The following PDE4D variants were observed in gnomAD, a reference collection of about 807,000 sequenced individuals.
PDE4D encodes 3',5'-cyclic-AMP phosphodiesterase 4D.
PDE4D carries 24 observed loss-of-function variants against 87.4 expected under a neutral mutation model. The observed-to-expected ratio is 0.27, with a 90% CI of 0.20 to 0.39. The LOEUF is 0.39. PDE4D is among the 10% of genes least tolerant of loss of function. PDE4D has a pLI of 1.00. For synonymous variants in PDE4D, 384 were observed against 383.2 expected, an observed-to-expected ratio of 1.00 and a Z score of -0.02; for missense variants, 714 against 1,041.0, an observed-to-expected ratio of 0.69 and a Z score of 4.32.
chr5:60,352,107 T>C (rs1346246460), intron 1 of PDE4D, among the ~76,000 whole-genome samples: 1 of 152,022 alleles, frequency 6.6e-6, no homozygotes, highest in African/African-American at 2.4e-5. Flanking sequence ...ACTTGGCCTT[T>C]TTTATCTTTT....
intron 1 of PDE4D, among the ~76,000 whole-genome samples, chr5:60,324,394 A>T (rs1292343590): frequency 6.6e-6 from 1 of 152,230 alleles, no homozygotes; most frequent in Non-Finnish European, 1.5e-5. Context: ...GACCCAGCAC[A>T]GTGCCTAAAA....
chr5:60,092,074 A>G (rs1444369546), intron 2 of PDE4D, among the ~76,000 whole-genome samples: 1 of 150,440 alleles, frequency 6.6e-6, no homozygotes, highest in South Asian at 2.1e-4. Flanking sequence ...AAAAAAAAAA[A>G]AAAAGAAAAT....
At chr5:60,431,219 G>A (rs565026629) in intron 1 of PDE4D, 37 of 188,534 alleles carry the variant, frequency 2.0e-4, no homozygotes, top group East Asian at 1.6e-3. Flanking sequence ...GGGCGGAGAC[G>A]CTCCTCACTT....
At chr5:59,578,069 G>A (rs1823477114) in intron 1 of PDE4D, among the ~76,000 whole-genome samples, 1 of 152,114 alleles carries the variant, frequency 6.6e-6, no homozygotes, top group East Asian at 1.9e-4. Flanking sequence ...ATATGGATTT[G>A]TGACATTCTA....
intron 2 of PDE4D, among the ~76,000 whole-genome samples, chr5:60,173,642 T>A (rs1033294656): frequency 2.6e-5 from 4 of 152,072 alleles, no homozygotes; most frequent in African/African-American, 9.7e-5. Flanking sequence ...CAAAAGAAGT[T>A]GTGAAAAGAC....
chr5:59,628,579 C>T (rs567323764), intron 1 of PDE4D, among the ~76,000 whole-genome samples: 2 of 152,098 alleles, frequency 1.3e-5, no homozygotes, highest in East Asian at 3.9e-4. Context: ...AACCTCAAGC[C>T]AGAGGTTAAG....
intron 1 of PDE4D, among the ~76,000 whole-genome samples, chr5:59,693,110 A>G (rs1214170808): frequency 6.6e-6 from 1 of 150,710 alleles, no homozygotes; most frequent in Non-Finnish European, 1.5e-5. Context: ...AGAATGATGT[A>G]AATATACTCT....
chr5:59,723,543 T>G (rs1401861073), intron 1 of PDE4D, among the ~76,000 whole-genome samples: 1 of 152,132 alleles, frequency 6.6e-6, no homozygotes, highest in Non-Finnish European at 1.5e-5. Flanking sequence ...ACAGAAGTTG[T>G]GATGTGTGAG....
At chr5:59,431,462 C>A (rs758223271) in intron 1 of PDE4D, among the ~76,000 whole-genome samples, 2 of 151,904 alleles carry the variant, frequency 1.3e-5, no homozygotes, top group Admixed American at 1.3e-4. Flanking sequence ...TGAATAGACA[C>A]GCCAGTTTAT....
In PDE4D at chr5:59,948,608, A is replaced by G. The variant is rs1581866125; in HGVS notation, c.272+39880T>C. Among the ~76,000 whole-genome samples the G allele has an allele frequency of 2.6e-5, 4 of 152,358 alleles. No individual in the cohort carries two copies. In the South Asian group the frequency reaches 8.3e-4, roughly 32 times the overall value. ...TTGTGAAGTTGAAAGCTCATAATTA[A>G]CAAATAAATGCTGAACCCCTACAAA... On this transcript the variant is annotated intron_variant, in intron 3 of 16. Coordinates refer to the PDE4D transcript ENST00000502484.
chr5:59,606,273 A>G (rs535011718), intron 1 of PDE4D, among the ~76,000 whole-genome samples: 90 of 152,294 alleles, frequency 5.9e-4, no homozygotes, highest in Non-Finnish European at 1.1e-3. Context: ...ATTAATAATT[A>G]GCAAAGAAAC....
chr5:60,198,080 C>A (rs1583045008), intron 1 of PDE4D, among the ~76,000 whole-genome samples: 2 of 147,448 alleles, frequency 1.4e-5, no homozygotes, highest in Admixed American at 6.8e-5. Context: ...TACTGTTTTA[C>A]CAATTTATTA....
chr5:59,697,076 C>T (rs1751893677), intron 1 of PDE4D, among the ~76,000 whole-genome samples: 1 of 152,038 alleles, frequency 6.6e-6, no homozygotes, highest in South Asian at 2.1e-4. Flanking sequence ...TTTTGCTAAT[C>T]TTGAGGATGA....
In PDE4D at chr5:59,232,998, A is replaced by G. The variant is rs533225527; in HGVS notation, c.456-17030T>C. Among the ~76,000 whole-genome samples the G allele has an allele frequency of 2.8e-4, 42 of 152,258 alleles. No individual in the cohort carries two copies. The Middle Eastern group carries it at 0.01, about 37-fold the overall frequency. ...GTGGGTGCTAAAAAAAGTTGATATC[A>G]TGAAGGTAATAGAATGATAGCTACC... On this transcript the variant is annotated intron_variant, in intron 1 of 14. Coordinates refer to ENST00000340635, the MANE Select transcript of PDE4D (RefSeq NM_001104631.2).
At chr5:60,314,852 T>C (rs1755404424) in intron 1 of PDE4D, among the ~76,000 whole-genome samples, 1 of 152,224 alleles carries the variant, frequency 6.6e-6, no homozygotes, top group African/African-American at 2.4e-5. Context: ...TTCCATGGTG[T>C]ATATGTGCCA....
intron 1 of PDE4D, among the ~76,000 whole-genome samples, chr5:59,572,452 G>A (rs2153696155): frequency 6.6e-6 from 1 of 151,748 alleles, no homozygotes; most frequent in East Asian, 1.9e-4. Flanking sequence ...CTGGTACACA[G>A]GTTTTTTGTT....
rs192212804 is a variant in PDE4D at position 59,135,642 on chromosome 5, T to A, written c.808+44953A>T. ...CCAAATAATCCACGTTCTATTTATC[T>A]CATTATTCTCTATATTTATGTATTC... On this transcript the variant is annotated intron_variant, in intron 5 of 14. Transcript: ENST00000340635. Among the ~76,000 whole-genome samples the A allele has an allele frequency of 5.9e-5, 9 of 152,306 alleles. No individual in the cohort carries two copies. The East Asian group carries it at 1.7e-3, about 29-fold the overall frequency.
chr5:59,605,811 G>A (rs1427453722), intron 1 of PDE4D, among the ~76,000 whole-genome samples: 2 of 152,010 alleles, frequency 1.3e-5, no homozygotes, highest in African/African-American at 4.8e-5. Context: ...AAAGTGATGT[G>A]AATTTAAGTG....
Position 59,611,600 on chromosome 5 carries a change from C to T in PDE4D, c.455+281568G>A, listed in dbSNP as rs73758828. 9.8e-3 allele frequency among the ~76,000 whole-genome samples: 1,488 copies of T among 152,278 alleles called. 24 individuals are homozygous for T. Among genetic ancestry groups the T allele is most frequent in the African/African-American group, 0.032 (1,337 of 41,548 alleles). ...TTTACATCTGCTGTGGTCACTGTTA[C>T]ACAATCTCCCTAGCACAGTGCCTGG... On this transcript the variant is annotated intron_variant, in intron 1 of 14. Transcript: ENST00000340635.
Sources: allele counts gnomAD v4.1 joint callset (sites outside exome capture counted in the v4.1 genomes callset), GRCh38; gene constraint gnomAD v4.1.1; transcripts MANE v1.5; gene names NCBI Gene and HGNC (gene_info 2026-07-23, HGNC 2026-07-21).